LRIF1: variants seen among roughly 807,000 people sequenced by gnomAD.
The protein encoded by LRIF1 is ligand dependent nuclear receptor interacting factor 1, also known as ligand-dependent nuclear receptor-interacting factor 1.
In LRIF1, 32 loss-of-function variants were observed where a neutral mutation model predicts 52.7. The observed-to-expected ratio is 0.61, with a 90% CI of 0.46 to 0.82. The LOEUF (loss-of-function observed/expected upper bound fraction) is 0.82, where lower values mean the gene tolerates loss of function less well. Ranked by LOEUF, LRIF1 falls within the 40% of genes least tolerant of loss-of-function variation. The probability of loss-of-function intolerance (pLI) is 0.00; values close to 1 mark genes in which losing one functional copy is unlikely to be tolerated. For synonymous variants in LRIF1, 323 were observed against 317.4 expected, an observed-to-expected ratio of 1.02 and a Z score of -0.19; for missense variants, 887 against 892.0, an observed-to-expected ratio of 0.99 and a Z score of 0.07.
the LRIF1 span, among the ~76,000 whole-genome samples, chr1:110,904,522 A>G: frequency 2.6e-5 from 4 of 152,208 alleles, no homozygotes; most frequent in Non-Finnish European, 5.9e-5. Context: ...ATTCTCCCCA[A>G]TTTTATCCAA....
chr1:110,954,488 C>T (rs1658614219), intron 1 of LRIF1, among the ~76,000 whole-genome samples: 1 of 152,070 alleles, frequency 6.6e-6, no homozygotes, highest in South Asian at 2.1e-4. Flanking sequence ...GCTATGTTGT[C>T]CAGGCTGGTC....
At chr1:110,923,947 C>A in the LRIF1 span, among the ~76,000 whole-genome samples, 1 of 151,944 alleles carries the variant, frequency 6.6e-6, no homozygotes, top group Non-Finnish European at 1.5e-5. Context: ...AAACTAGAAA[C>A]AGGTTCTTTC....
the LRIF1 span, chr1:110,937,201 G>A: frequency 2.0e-5 from 3 of 151,932 alleles, no homozygotes; most frequent in South Asian, 4.2e-4. Flanking sequence ...AGAAACATCA[G>A]ACCTAATCTG....
At chr1:110,946,592 T>A (rs1050915379), downstream of LRIF1, among the ~76,000 whole-genome samples, 1 of 148,612 alleles carries the variant, frequency 6.7e-6, no homozygotes, top group African/African-American at 2.4e-5. Context: ...TTTACTCTTT[T>A]GTTGCCATTG....
At chr1:110,915,418 G>T in the LRIF1 span, among the ~76,000 whole-genome samples, 1 of 152,172 alleles carries the variant, frequency 6.6e-6, no homozygotes, top group Non-Finnish European at 1.5e-5. Flanking sequence ...AACCCGGGAG[G>T]CGGAGTTTGC....
chr1:110,926,449 T>G, the LRIF1 span, among the ~76,000 whole-genome samples: 1 of 151,966 alleles, frequency 6.6e-6, no homozygotes, highest in East Asian at 1.9e-4. Flanking sequence ...ATATATATTA[T>G]ATTTATACTA....
chr1:110,950,185 G>C (rs2232044), intron 2 of LRIF1, 62 bp from the exon 3 acceptor site: 1 of 1,495,580 alleles, frequency 6.7e-7, no homozygotes, highest in Admixed American at 2.0e-5. Context: ...ACTTTATTAA[G>C]CAACTAAGTG....
the LRIF1 span, chr1:110,892,194 G>C: frequency 8.8e-6 from 6 of 683,442 alleles, no homozygotes; most frequent in Non-Finnish European, 1.6e-5. Flanking sequence ...TCCAATGTAA[G>C]CATGGAAAAG....
chr1:110,921,303 G>GA, the LRIF1 span, among the ~76,000 whole-genome samples: 5 of 151,132 alleles, frequency 3.3e-5, no homozygotes, highest in South Asian at 4.2e-4. Context: ...TAAACTAATA[G>GA]AAAAAAAATG....
the LRIF1 span, among the ~76,000 whole-genome samples, chr1:110,907,786 G>A: frequency 0.51 from 77,962 of 151,880 alleles, 20,370 homozygotes; most frequent in Middle Eastern, 0.7. Flanking sequence ...TTAAGTGCCA[G>A]TTAGTAAACC....
At chr1:110,942,929 T>C (rs1658124185), downstream of LRIF1, among the ~76,000 whole-genome samples, 1 of 152,030 alleles carries the variant, frequency 6.6e-6, no homozygotes, top group Non-Finnish European at 1.5e-5. Flanking sequence ...CCATGAGAAC[T>C]AGGTAAGATC....
chr1:110,881,526 C>A, the LRIF1 span, among the ~76,000 whole-genome samples: 1 of 152,126 alleles, frequency 6.6e-6, no homozygotes, highest in Non-Finnish European at 1.5e-5. Context: ...TGGGTTGCTT[C>A]CAGTTTGGGC....
At chr1:110,943,258 C>A (rs1348685067), downstream of LRIF1, among the ~76,000 whole-genome samples, 1 of 152,122 alleles carries the variant, frequency 6.6e-6, no homozygotes, top group Non-Finnish European at 1.5e-5. Context: ...AGATAAAACT[C>A]TAATTTGACT....
chr1:110,950,294 T>C (rs776348195), intron 2 of LRIF1, among the ~76,000 whole-genome samples, 171 bp from the exon 3 acceptor site: 1 of 152,200 alleles, frequency 6.6e-6, no homozygotes, highest in Non-Finnish European at 1.5e-5. Context: ...TATAAGGAAG[T>C]ACAAACTTAA....
chr1:110,935,659 TA>T, the LRIF1 span, among the ~76,000 whole-genome samples: 1 of 151,380 alleles, frequency 6.6e-6, no homozygotes, highest in Non-Finnish European at 1.5e-5. Context: ...TCAGAGGAGA[TA>T]AAAAAGAATA....
chr1:110,952,781 T>A lies in LRIF1; in HGVS notation c.103A>T (p.Ile35Phe). The A allele has an allele frequency of 6.2e-7, 1 of 1,611,098 alleles. No homozygotes were observed. Among genetic ancestry groups the A allele is most frequent in the Non-Finnish European group, 8.5e-7 (1 of 1,178,094 alleles). The change falls in exon 2 of 4, where the codon ATT becomes TTT. Residue 35 changes from isoleucine (I) to phenylalanine (F), a missense_variant. Coordinates refer to ENST00000369763, the MANE Select transcript of LRIF1 (RefSeq NM_018372.4). ...SGCMYQVVQT[I>F]GSDGKNLLQL... ...AGAAGATTTTTTCCATCCGAGCCAA[T>A]CGTCTGAACTACTTGGTACATGCAG...
the LRIF1 span, among the ~76,000 whole-genome samples, chr1:110,908,915 C>T: frequency 6.6e-6 from 1 of 152,010 alleles, no homozygotes; most frequent in Non-Finnish European, 1.5e-5. Context: ...GCAAGATGAC[C>T]ATCCCCAAGC....
chr1:110,935,996 A>G, the LRIF1 span, among the ~76,000 whole-genome samples: 2 of 152,218 alleles, frequency 1.3e-5, no homozygotes, highest in East Asian at 3.8e-4. Flanking sequence ...TATATCTGGC[A>G]GCAGACTTTC....
chr1:110,952,337 G>C lies in LRIF1; in HGVS notation c.547C>G (p.His183Asp). The change falls in exon 2 of 4, where the codon CAT (histidine) becomes GAT (aspartate). Residue 183 changes from histidine to aspartate, a missense_variant. His to Asp is a moderately conservative substitution (Grantham distance 81). Transcript: ENST00000369763. ...GCATGGGCTGGAATCTGTAAATGAT[G>C]CCCAGAAGGCAAAACTGGAGACTTC... ...TVKSPVLPSG[H>D]HLQIPAHAEV... 6.2e-7 allele frequency: 1 copy of C among 1,614,074 alleles called. No homozygotes were observed.
Sources: gnomAD v4.1 joint callset for allele counts (sites outside exome capture counted in the v4.1 genomes callset) on GRCh38, gnomAD v4.1.1 for gene constraint, MANE v1.5 for transcripts, NCBI Gene and HGNC (gene_info 2026-07-23, HGNC 2026-07-21) for gene names.